Variants in WARS2 observed in about 807,000 individuals in gnomAD.
WARS2 encodes the protein tryptophanyl tRNA synthetase 2, mitochondrial, also known as tryptophan--tRNA ligase, mitochondrial.
A neutral mutation model predicts 36.5 loss-of-function variants in WARS2; 28 were observed. The observed-to-expected ratio is 0.77, with a 90% CI of 0.57 to 1.05. The LOEUF is 1.05. Ranked by LOEUF, WARS2 falls within the 50% of genes least tolerant of loss-of-function variation. The pLI, the probability that WARS2 is intolerant of heterozygous loss-of-function variation, is 0.00. For missense variants in WARS2, 435 were observed against 456.8 expected (o/e 0.95, Z 0.44); for synonymous variants, 174 against 178.4 (o/e 0.98, Z 0.20).
At chr1:119,093,561 T>C (rs1218760677) in intron 1 of WARS2, among the ~76,000 whole-genome samples, 1 of 150,402 alleles carries the variant, frequency 6.6e-6, no homozygotes, top group Non-Finnish European at 1.5e-5. Flanking sequence ...GAGGCAGAGA[T>C]TGGAGTGATA....
At chr1:119,048,229 T>C (rs1296866605) in intron 2 of WARS2, among the ~76,000 whole-genome samples, 1 of 152,200 alleles carries the variant, frequency 6.6e-6, no homozygotes, top group East Asian at 1.9e-4. Flanking sequence ...GCCCTGTCTT[T>C]GGAGTGAGGT....
intron 1 of WARS2, among the ~76,000 whole-genome samples, chr1:119,077,448 GCTA>G (rs769025385): frequency 4.6e-5 from 7 of 152,082 alleles, no homozygotes; most frequent in Non-Finnish European, 1.0e-4. Context: ...AGTGCTAAAG[GCTA>G]CTACTATTGC....
At position 119,045,584 on chromosome 1, in the gene WARS2, TC is replaced by T; in HGVS notation, c.426del (p.Trp142Ter). 1 of 1,589,868 alleles carries T rather than the reference TC, an allele frequency of 6.3e-7. No individual in the cohort carries two copies. The highest frequency in any genetic ancestry group is 1.1e-5 in the South Asian group (1 of 88,354). ...TTAATCAGATTACTGGCATTTACCT[TC>T]CACTGATGTAAATGTTGTAATCGAG... ...RLPRLQHLHQ[W>X]KAKTTKQKHD... is the part of the protein sequence containing the mutation. On this transcript the variant is annotated frameshift_variant, in exon 3 of 6. Coordinates refer to ENST00000235521, the MANE Select transcript of WARS2 (RefSeq NM_015836.4). LOFTEE classifies it high-confidence loss of function.
intron 2 of WARS2, among the ~76,000 whole-genome samples, chr1:119,046,289 T>G (rs1398347183): frequency 1.8e-4 from 3 of 16,364 alleles, no homozygotes; most frequent in South Asian, 2.8e-3. Context: ...TTTTCTGTTT[T>G]TTTTTTTTTT....
At chr1:119,084,900 C>G (rs1320272890) in intron 1 of WARS2, 7 of 311,474 alleles carry the variant, frequency 2.2e-5, no homozygotes, top group African/African-American at 1.5e-4. Context: ...AATCCAGCCC[C>G]AGGAGTTTTA....
At chr1:119,088,625 G>A (rs1463846003) in intron 1 of WARS2, among the ~76,000 whole-genome samples, 1 of 152,230 alleles carries the variant, frequency 6.6e-6, no homozygotes, top group African/African-American at 2.4e-5. Flanking sequence ...ACGAAGGACA[G>A]AAGATTATGA....
intron 1 of WARS2, 70 bp downstream of exon 1, chr1:119,140,485 T>G (rs1557767808): frequency 3.5e-6 from 5 of 1,415,396 alleles, no homozygotes; most frequent in Non-Finnish European, 4.9e-6. Context: ...GAGAAATAAA[T>G]AGAGGGCAGT....
intron 1 of WARS2, among the ~76,000 whole-genome samples, chr1:119,135,719 T>C (rs763564703): frequency 4.8e-3 from 341 of 71,190 alleles, no homozygotes; most frequent in African/African-American, 0.015. Context: ...GATAGACAGA[T>C]AGATAGATAG....
At chr1:119,078,008 A>T (rs1417708432) in intron 1 of WARS2, among the ~76,000 whole-genome samples, 1 of 152,210 alleles carries the variant, frequency 6.6e-6, no homozygotes, top group African/African-American at 2.4e-5. Flanking sequence ...GCATTTAATC[A>T]TTTTAATACC....
At chr1:119,095,795 T>C (rs1013531098) in intron 1 of WARS2, among the ~76,000 whole-genome samples, 6 of 152,178 alleles carry the variant, frequency 3.9e-5, no homozygotes, top group African/African-American at 1.4e-4. Context: ...GAGCCTCTTA[T>C]ACAAGTTGTA....
chr1:119,060,984 A>AT (rs1650330162), intron 2 of WARS2, among the ~76,000 whole-genome samples: 1 of 152,104 alleles, frequency 6.6e-6, no homozygotes, highest in African/African-American at 2.4e-5. Flanking sequence ...CTGTCCAACA[A>AT]TGGCTAAAAC....
chr1:119,130,016 G>A (rs749710149), intron 1 of WARS2, among the ~76,000 whole-genome samples: 18 of 152,110 alleles, frequency 1.2e-4, no homozygotes, highest in Non-Finnish European at 2.4e-4. Context: ...TGTCTACATC[G>A]TGTAACGGTG....
At chr1:119,066,001 A>G (rs983336587) in intron 2 of WARS2, among the ~76,000 whole-genome samples, 3 of 152,236 alleles carry the variant, frequency 2.0e-5, no homozygotes, top group African/African-American at 4.8e-5. Context: ...TGTGAAAAGC[A>G]AAACTTACCA....
intron 2 of WARS2, among the ~76,000 whole-genome samples, chr1:119,057,209 G>A (rs116327422): frequency 3.3e-5 from 5 of 151,836 alleles, no homozygotes; most frequent in African/African-American, 9.7e-5. Context: ...TCAGTGGCAC[G>A]ATCTCGGCTG....
chr1:119,089,778 T>A lies in WARS2; in HGVS notation c.91-13171A>T, dbSNP rs587761529. Among the ~76,000 whole-genome samples the A allele has an allele frequency of 5.3e-5, 8 of 152,318 alleles. No individual in the cohort carries two copies. In the South Asian group the frequency reaches 1.7e-3, roughly 32 times the overall value. On this transcript the variant is annotated intron_variant, in intron 1 of 5. Transcript: ENST00000235521. Reference sequence around the variant, plus strand: ...GAATTATACTGGTACATATACACCATGAAATTCTATGCAGCCATAGAAAGG... The same window carrying A: ...GAATTATACTGGTACATATACACCAAGAAATTCTATGCAGCCATAGAAAGG...
At chr1:119,134,830 G>C (rs1426751476) in intron 1 of WARS2, among the ~76,000 whole-genome samples, 1 of 152,160 alleles carries the variant, frequency 6.6e-6, no homozygotes, top group African/African-American at 2.4e-5. Flanking sequence ...GTAATCTTCA[G>C]AAGAGAAACT....
intron 2 of WARS2, among the ~76,000 whole-genome samples, chr1:119,068,700 T>C (rs1006495178): frequency 2.6e-5 from 4 of 152,168 alleles, no homozygotes; most frequent in Non-Finnish European, 4.4e-5. Context: ...TCAGACTGGA[T>C]CTGCACTCAG....
chr1:119,082,357 A>C, intron 1 of WARS2: 1 of 985,380 alleles, frequency 1.0e-6, no homozygotes, highest in Non-Finnish European at 1.2e-6. Flanking sequence ...CTATCATGTG[A>C]TGGAATGCTT....
chr1:119,043,637 A>G (rs545517017), intron 3 of WARS2, among the ~76,000 whole-genome samples: 1 of 152,358 alleles, frequency 6.6e-6, no homozygotes, highest in South Asian at 2.1e-4. Context: ...GATAAAGGCT[A>G]GTTCACAATT....
Sources: gnomAD v4.1 joint callset for allele counts (sites outside exome capture counted in the v4.1 genomes callset) on GRCh38, gnomAD v4.1.1 for gene constraint, MANE v1.5 for transcripts, NCBI Gene and HGNC (gene_info 2026-07-23, HGNC 2026-07-21) for gene names.